Variants in TBC1D8 observed in about 807,000 individuals in gnomAD.
TBC1D8 encodes the protein BUB2-like protein 1.
A neutral mutation model predicts 118.8 loss-of-function variants in TBC1D8; 65 were observed. That is an observed-to-expected ratio of 0.55 (90% CI 0.45 to 0.67). The LOEUF (loss-of-function observed/expected upper bound fraction) is 0.67. Ranked by LOEUF, TBC1D8 falls within the 30% of genes least tolerant of loss-of-function variation. The pLI, the probability that TBC1D8 is intolerant of heterozygous loss-of-function variation, is 0.00. For missense variants in TBC1D8, 1,376 were observed against 1,471.2 expected (o/e 0.94, Z 1.06); for synonymous variants, 566 against 595.8 (o/e 0.95, Z 0.73).
chr2:101,011,447 G>GTGCCATTGGGTT lies in TBC1D8; in HGVS notation c.2909_2917+3dup. 1 of 1,613,808 alleles carries GTGCCATTGGGTT rather than the reference G, an allele frequency of 6.2e-7. No homozygotes were observed. The highest frequency in any genetic ancestry group is 1.1e-5 in the South Asian group (1 of 91,076). ...GGAAAGCAACAATGAAAAGAGGTAC[G>GTGCCATTGGGTT]TGCCATTGGGTTTCCCGAAAACCAG... is the stretch of plus-strand genomic sequence containing the variant. On this transcript the variant is annotated splice_donor_region_variant and intron_variant, in intron 18 of 19. Transcript: ENST00000409318.
chr2:101,121,145 T>C (rs1293608449), intron 1 of TBC1D8, among the ~76,000 whole-genome samples: 2 of 152,146 alleles, frequency 1.3e-5, no homozygotes, highest in African/African-American at 4.8e-5. Flanking sequence ...ACTAAGGCGC[T>C]CTTTTGAGGA....
intron 2 of TBC1D8, among the ~76,000 whole-genome samples, chr2:101,064,601 A>C (rs116717528): frequency 6.6e-6 from 1 of 152,370 alleles, no homozygotes; most frequent in African/African-American, 2.4e-5. Context: ...TAAGAAAATG[A>C]AAGTCCAGTG....
chr2:101,120,508 A>G (rs1164665596), intron 1 of TBC1D8, among the ~76,000 whole-genome samples: 1 of 152,222 alleles, frequency 6.6e-6, no homozygotes, highest in Non-Finnish European at 1.5e-5. Flanking sequence ...TATTTGCACA[A>G]CGAAGCAGGG....
chr2:101,032,162 C>G, intron 11 of TBC1D8, 106 bp downstream of exon 11: 1 of 1,031,074 alleles, frequency 9.7e-7, no homozygotes, highest in South Asian at 1.5e-5. Flanking sequence ...AACAGACTAG[C>G]TGAGTGGCAC....
intron 1 of TBC1D8, among the ~76,000 whole-genome samples, chr2:101,125,001 C>T (rs1261529961): frequency 1.3e-5 from 2 of 152,186 alleles, no homozygotes; most frequent in Admixed American, 1.3e-4. Context: ...CTAAGATCAC[C>T]AAGGTTCGTG....
intron 1 of TBC1D8, among the ~76,000 whole-genome samples, chr2:101,123,149 AT>A (rs1263243687): frequency 6.6e-6 from 1 of 152,080 alleles, no homozygotes; most frequent in Non-Finnish European, 1.5e-5. Flanking sequence ...AAGCAGGAAG[AT>A]CACTTGAGCC....
chr2:101,135,734 A>G lies in TBC1D8; in HGVS notation c.127+15393T>C, dbSNP rs558213537. On this transcript the variant is annotated intron_variant, in intron 1 of 19. Coordinates refer to ENST00000409318, the MANE Select transcript of TBC1D8 (RefSeq NM_001330348.2). ...GGTCCTCACTTCCCAGGCCCTCCTG[A>G]TAACATGAGCAGATTGCAAAAAGAC... 3.3e-5 allele frequency among the ~76,000 whole-genome samples: 5 copies of G among 152,350 alleles called. No individual in the cohort carries two copies. The South Asian group carries it at 8.3e-4, about 25-fold the overall frequency.
chr2:101,099,002 T>A (rs1676652814), intron 1 of TBC1D8, among the ~76,000 whole-genome samples: 1 of 135,056 alleles, frequency 7.4e-6, no homozygotes. Flanking sequence ...AGACAAGAAA[T>A]AACTAAGATC....
rs567327352 is a variant in TBC1D8 at position 101,105,379 on chromosome 2, A to G, written c.128-15015T>C. On this transcript the variant is annotated intron_variant, in intron 1 of 19. Transcript: ENST00000409318. ...TATACAGATGACAAATAACATATGA[A>G]GTGTTTTGCAACCACCCTGGTCAAC... 1.3e-4 allele frequency among the ~76,000 whole-genome samples: 20 copies of G among 152,216 alleles called. No individual in the cohort carries two copies. The South Asian group carries it at 2.9e-3, about 22-fold the overall frequency.
At chr2:101,101,556 C>A (rs939604613) in intron 1 of TBC1D8, among the ~76,000 whole-genome samples, 1 of 152,050 alleles carries the variant, frequency 6.6e-6, no homozygotes, top group African/African-American at 2.4e-5. Context: ...GGTATATACC[C>A]AAAGGAATAT....
In TBC1D8 at chr2:101,025,375, CGT is replaced by C. The variant is rs1332692561; in HGVS notation, c.2520+2006_2520+2007del. ...CCGCGTAGCTGGGATTACAGGAGTG[CGT>C]CACCACGCCCAGCTAATTTTTGTAT... On this transcript the variant is annotated intron_variant, in intron 15 of 19. Coordinates refer to ENST00000409318, the MANE Select transcript of TBC1D8 (RefSeq NM_001330348.2). Among the ~76,000 whole-genome samples, 6 of 152,094 alleles carry C rather than the reference CGT, an allele frequency of 3.9e-5. 1 individual carries two copies. The highest frequency in any genetic ancestry group is 4.1e-4 in the South Asian group (2 of 4,828).
intron 15 of TBC1D8, among the ~76,000 whole-genome samples, chr2:101,025,099 T>C (rs1680262081): frequency 6.6e-6 from 1 of 152,204 alleles, no homozygotes; most frequent in African/African-American, 2.4e-5. Context: ...TGTGTATGTA[T>C]TGTAGGCATG....
At chr2:101,147,700 AT>A (rs1488052351) in intron 1 of TBC1D8, among the ~76,000 whole-genome samples, 1 of 151,782 alleles carries the variant, frequency 6.6e-6, no homozygotes, top group Non-Finnish European at 1.5e-5. Flanking sequence ...CAGTTATTAG[AT>A]TTTTTTGCTC....
chr2:101,086,393 G>T (rs1287887400), intron 2 of TBC1D8, among the ~76,000 whole-genome samples: 1 of 152,096 alleles, frequency 6.6e-6, no homozygotes, highest in African/African-American at 2.4e-5. Flanking sequence ...ACAGAATGAT[G>T]CAAGAAAATT....
chr2:101,070,213 G>A lies in TBC1D8; in HGVS notation c.284-10674C>T, dbSNP rs114289573. The stretch of plus-strand genomic sequence containing the variant: ...ATTACATGTGTGAGCCACTGCTCCC[G>A]GCCTACATTTTTATTAAAAACCTGA... On this transcript the variant is annotated intron_variant, in intron 2 of 19. Coordinates refer to ENST00000409318, the MANE Select transcript of TBC1D8 (RefSeq NM_001330348.2). 4.3e-3 allele frequency among the ~76,000 whole-genome samples: 656 copies of A among 151,192 alleles called. 9 individuals carry two copies. Among genetic ancestry groups the A allele is most frequent in the African/African-American group, 0.015 (631 of 41,212 alleles).
chr2:101,129,946 C>T (rs1678518334), intron 1 of TBC1D8, among the ~76,000 whole-genome samples: 1 of 151,806 alleles, frequency 6.6e-6, no homozygotes, highest in African/African-American at 2.4e-5. Context: ...CTAGCCCGAG[C>T]CAAATCAAGT....
intron 1 of TBC1D8, among the ~76,000 whole-genome samples, chr2:101,129,128 T>C (rs1678475259): frequency 6.6e-6 from 1 of 152,168 alleles, no homozygotes; most frequent in African/African-American, 2.4e-5. Flanking sequence ...TTTGTGTGTG[T>C]GTTTTATTTT....
At chr2:101,085,455 T>A (rs912136119) in intron 2 of TBC1D8, among the ~76,000 whole-genome samples, 2 of 152,076 alleles carry the variant, frequency 1.3e-5, no homozygotes, top group Non-Finnish European at 2.9e-5. Context: ...AGGATCCTAC[T>A]CTCTCACCCA....
At chr2:101,140,251 G>C (rs978814871) in intron 1 of TBC1D8, among the ~76,000 whole-genome samples, 1 of 152,146 alleles carries the variant, frequency 6.6e-6, no homozygotes, top group African/African-American at 2.4e-5. Context: ...CCTCTACTGA[G>C]AGAGGGAATA....
Sources: allele counts gnomAD v4.1 joint callset (sites outside exome capture counted in the v4.1 genomes callset), GRCh38; gene constraint gnomAD v4.1.1; transcripts MANE v1.5; gene names NCBI Gene and HGNC (gene_info 2026-07-23, HGNC 2026-07-21).